The following CDH12 variants were observed in gnomAD, a reference collection of about 807,000 sequenced individuals.
CDH12 encodes the protein cadherin 12, also known as cadherin-12.
In CDH12, 41 loss-of-function variants were observed where a neutral mutation model predicts 74.1. The observed-to-expected ratio is 0.55, with a 90% CI of 0.43 to 0.72. The LOEUF (loss-of-function observed/expected upper bound fraction) is 0.72. Among genes scored for constraint, CDH12 ranks in the 30% least tolerant of loss-of-function variants. CDH12 has a pLI of 0.00. For missense variants in CDH12, 945 were observed against 977.2 expected, an observed-to-expected ratio of 0.97 and a Z score of 0.44; for synonymous variants, 399 against 355.0, an observed-to-expected ratio of 1.12 and a Z score of -1.39.
chr5:22,305,797 C>T (rs2920767), intron 3 of CDH12, among the ~76,000 whole-genome samples: 150,133 of 152,270 alleles, frequency 0.99, 74,053 homozygotes, highest in East Asian at 1. Flanking sequence ...AAATGTTGAC[C>T]GTAAATGTTT....
chr5:22,722,735 C>T (rs1561603239), intron 1 of CDH12, among the ~76,000 whole-genome samples: 1 of 152,146 alleles, frequency 6.6e-6, no homozygotes, highest in African/African-American at 2.4e-5. Context: ...TCCATATTCA[C>T]TCAGGAAATT....
intron 5 of CDH12, among the ~76,000 whole-genome samples, chr5:22,051,561 A>C (rs1740369114): frequency 6.6e-6 from 1 of 152,150 alleles, no homozygotes; most frequent in Non-Finnish European, 1.5e-5. Context: ...AAGAACAGTG[A>C]CCTTGGTCAC....
chr5:22,678,583 A>T (rs1741332261), intron 1 of CDH12, among the ~76,000 whole-genome samples: 1 of 152,020 alleles, frequency 6.6e-6, no homozygotes, highest in Non-Finnish European at 1.5e-5. Context: ...AAACCAGAAA[A>T]TGTACTTTGC....
intron 3 of CDH12, among the ~76,000 whole-genome samples, chr5:22,245,662 A>C (rs1580443526): frequency 6.6e-6 from 1 of 151,804 alleles, no homozygotes; most frequent in African/African-American, 2.4e-5. Context: ...TATGATATAC[A>C]TATATCATAT....
intron 3 of CDH12, among the ~76,000 whole-genome samples, chr5:22,402,453 G>A (rs938314982): frequency 1.3e-5 from 2 of 152,170 alleles, no homozygotes; most frequent in East Asian, 3.9e-4. Context: ...TATTTTAGCT[G>A]AATCATGTTC....
intron 1 of CDH12, among the ~76,000 whole-genome samples, chr5:22,570,595 A>T (rs1739494041): frequency 1.3e-5 from 2 of 152,206 alleles, no homozygotes; most frequent in South Asian, 4.1e-4. Context: ...TGCTGTAAAC[A>T]GATGTGGCTG....
At chr5:21,771,635 C>G (rs1745330665) in intron 11 of CDH12, among the ~76,000 whole-genome samples, 1 of 152,018 alleles carries the variant, frequency 6.6e-6, no homozygotes, top group South Asian at 2.1e-4. Flanking sequence ...TAGATGAAGC[C>G]TCTAGGTAGA....
At position 22,716,160 on chromosome 5, in the gene CDH12, A is replaced by C. The variant is rs113126035; in HGVS notation, c.-523+136898T>G. Among the ~76,000 whole-genome samples, 142 of 152,174 alleles carry C rather than the reference A, an allele frequency of 9.3e-4. 1 individual carries two copies. The highest frequency in any genetic ancestry group is 3.2e-3 in the African/African-American group (133 of 41,528). On this transcript the variant is annotated intron_variant, in intron 1 of 14. Coordinates refer to ENST00000382254, the MANE Select transcript of CDH12 (RefSeq NM_004061.5). ...TCAAAAACAAACAAACAAACAAAAA[A>C]CATACATATAACTCAATGGACAGCA...
At position 22,366,290 on chromosome 5, in the gene CDH12, CT is replaced by C. The variant is rs773820304; in HGVS notation, c.-333+38966del. 8.0e-4 allele frequency among the ~76,000 whole-genome samples: 119 copies of C among 148,768 alleles called. 2 individuals are homozygous for C. Among genetic ancestry groups the C allele is most frequent in the African/African-American group, 2.3e-3 (92 of 40,714 alleles). On this transcript the variant is annotated intron_variant, in intron 3 of 14. Transcript: ENST00000382254. ...TTTATCTAGAAAATATTTATTCTTT[CT>C]TTTTTTTTTAAGTCATGTGAGCTAG...
At chr5:21,813,437 T>C (rs893088897) in intron 9 of CDH12, among the ~76,000 whole-genome samples, 1 of 151,908 alleles carries the variant, frequency 6.6e-6, no homozygotes, top group African/African-American at 2.4e-5. Flanking sequence ...CCGAGATCCC[T>C]CCATTGCACT....
chr5:21,807,829 TAA>T (rs1257399720), intron 9 of CDH12, among the ~76,000 whole-genome samples: 1 of 152,098 alleles, frequency 6.6e-6, no homozygotes, highest in Non-Finnish European at 1.5e-5. Flanking sequence ...ATAAACTTAT[TAA>T]GTTTAATGGA....
chr5:22,091,978 C>T (rs1309137308), intron 4 of CDH12, among the ~76,000 whole-genome samples: 1 of 151,146 alleles, frequency 6.6e-6, no homozygotes, highest in African/African-American at 2.4e-5. Flanking sequence ...ATCCAATTGA[C>T]CCAGGCCCAT....
intron 13 of CDH12, 101 bp from the exon 14 acceptor site, chr5:21,755,943 G>T: frequency 3.7e-6 from 4 of 1,071,362 alleles, no homozygotes; most frequent in South Asian, 3.4e-5. Context: ...CTTGAATCAG[G>T]AAAATGGATT....
intron 1 of CDH12, among the ~76,000 whole-genome samples, chr5:22,710,351 AT>A (rs2126972979): frequency 6.6e-6 from 1 of 152,304 alleles, no homozygotes; most frequent in South Asian, 2.1e-4. Context: ...AATTTCATTC[AT>A]CAGCATTTGG....
intron 1 of CDH12, among the ~76,000 whole-genome samples, chr5:22,513,957 A>C (rs1448439165): frequency 6.6e-6 from 1 of 151,626 alleles, no homozygotes. Context: ...TCAGGAAAAA[A>C]AAAAAAAAAA....
intron 1 of CDH12, among the ~76,000 whole-genome samples, chr5:22,809,852 T>A (rs930910978): frequency 1.3e-5 from 2 of 152,094 alleles, no homozygotes; most frequent in Non-Finnish European, 1.5e-5. Flanking sequence ...CAATAAAATA[T>A]CTACTAGTTC....
intron 1 of CDH12, among the ~76,000 whole-genome samples, chr5:22,561,155 A>G (rs1319884782): frequency 1.3e-5 from 2 of 152,112 alleles, no homozygotes; most frequent in Non-Finnish European, 2.9e-5. Flanking sequence ...ATTTTCTACA[A>G]TGTTTTTGGG....
intron 3 of CDH12, among the ~76,000 whole-genome samples, chr5:22,387,549 T>A (rs1742051099): frequency 6.6e-6 from 1 of 152,174 alleles, no homozygotes; most frequent in South Asian, 2.1e-4. Context: ...AAAAGCCTAT[T>A]GGCTGCTGTC....
chr5:22,766,320 G>A (rs183306119), intron 1 of CDH12, among the ~76,000 whole-genome samples: 42 of 152,078 alleles, frequency 2.8e-4, no homozygotes, highest in Non-Finnish European at 5.6e-4. Flanking sequence ...TTTTCTCATA[G>A]CTTCATTTAG....
Sources: gnomAD v4.1 joint callset for allele counts (sites outside exome capture counted in the v4.1 genomes callset) on GRCh38, gnomAD v4.1.1 for gene constraint, MANE v1.5 for transcripts, NCBI Gene and HGNC (gene_info 2026-07-23, HGNC 2026-07-21) for gene names.